The following TM9SF2 variants were observed in gnomAD, a reference collection of about 807,000 sequenced individuals.
The protein encoded by TM9SF2 is transmembrane 9 superfamily member 2.
In TM9SF2, 13 loss-of-function variants were observed where a neutral mutation model predicts 84.9. That is an observed-to-expected ratio of 0.15 (90% CI 0.10 to 0.24). The LOEUF (loss-of-function observed/expected upper bound fraction) is 0.24. Among genes scored for constraint, TM9SF2 ranks in the 10% least tolerant of loss-of-function variants. TM9SF2 has a pLI of 1.00. For missense variants in TM9SF2, 562 were observed against 818.5 expected (o/e 0.69, Z 3.82); for synonymous variants, 273 against 285.8 (o/e 0.96, Z 0.45).
At chr13:99,540,353 A>G (rs1185457187) in intron 7 of TM9SF2, among the ~76,000 whole-genome samples, 1 of 151,530 alleles carries the variant, frequency 6.6e-6, no homozygotes, top group Non-Finnish European at 1.5e-5. Context: ...TGCCCCCGGC[A>G]TAAAGAAAAG....
chr13:99,552,777 T>C (rs1265601137), intron 13 of TM9SF2, among the ~76,000 whole-genome samples: 1 of 152,200 alleles, frequency 6.6e-6, no homozygotes. Flanking sequence ...CTAATTTTTG[T>C]ATTTTTAGTG....
chr13:99,531,040 T>C (rs1044044432), intron 4 of TM9SF2, among the ~76,000 whole-genome samples: 6 of 152,048 alleles, frequency 3.9e-5, no homozygotes, highest in Non-Finnish European at 5.9e-5. Flanking sequence ...TTTATAGTTT[T>C]AGTAGACACG....
At chr13:99,549,091 C>G (rs1566572395) in intron 11 of TM9SF2, 74 bp from the exon 12 acceptor site, 3 of 1,331,272 alleles carry the variant, frequency 2.3e-6, no homozygotes, top group Non-Finnish European at 3.2e-6. Context: ...TGGCAAATAT[C>G]AGACTTGTAA....
At position 99,563,410 on chromosome 13, in the gene TM9SF2, A is replaced by T. The variant is rs1388663499; in HGVS notation, c.*652A>T. The T allele has an allele frequency of 6.6e-6, 1 of 152,194 alleles. No individual in the cohort carries two copies. The highest frequency in any genetic ancestry group is 1.5e-5 in the Non-Finnish European group (1 of 68,022). The allele number at this position is 152,194 out of a possible 1,614,324, so 9.4% of individuals were successfully genotyped here. A position where few individuals can be genotyped will look rare whatever the true frequency, so the allele number is the denominator to read the frequency against. ...AAATGTCTTCATTGCATCATTACCT[A>T]TTATATATTCAAGGAGGTTCTGTAA... On this transcript the variant is annotated 3_prime_UTR_variant, in exon 17 of 17. Transcript: ENST00000376387.
intron 4 of TM9SF2, among the ~76,000 whole-genome samples, chr13:99,532,866 T>C (rs897009199): frequency 2.6e-5 from 4 of 152,216 alleles, no homozygotes; most frequent in African/African-American, 7.2e-5. Flanking sequence ...CTATTCTGCT[T>C]TAAAAAAATT....
chr13:99,532,499 G>A (rs558721032), intron 4 of TM9SF2, among the ~76,000 whole-genome samples: 47 of 152,130 alleles, frequency 3.1e-4, no homozygotes, highest in African/African-American at 1.1e-3. Context: ...AGACCAGCCT[G>A]GCCAACATGG....
intron 4 of TM9SF2, among the ~76,000 whole-genome samples, chr13:99,531,618 T>C (rs890378767): frequency 2.0e-5 from 3 of 152,124 alleles, no homozygotes; most frequent in Admixed American, 6.5e-5. Context: ...CTGAACCCCA[T>C]AAGAATGGGT....
chr13:99,557,041 G>T (rs939450485), intron 15 of TM9SF2, among the ~76,000 whole-genome samples: 1 of 152,152 alleles, frequency 6.6e-6, no homozygotes, highest in Non-Finnish European at 1.5e-5. Flanking sequence ...TGGTTTTGAG[G>T]TATATATCTA....
chr13:99,554,709 G>A (rs1349903283), intron 14 of TM9SF2, among the ~76,000 whole-genome samples: 8 of 152,252 alleles, frequency 5.3e-5, no homozygotes, highest in African/African-American at 1.7e-4. Flanking sequence ...TTCATTCTCT[G>A]TGAGGTGAGT....
intron 1 of TM9SF2, among the ~76,000 whole-genome samples, chr13:99,504,585 G>A (rs1284573697): frequency 6.6e-6 from 1 of 152,198 alleles, no homozygotes; most frequent in African/African-American, 2.4e-5. Context: ...TGTAAATTGA[G>A]AGAGAATCAG....
chr13:99,527,936 T>C (rs1594051545), intron 3 of TM9SF2, among the ~76,000 whole-genome samples: 1 of 152,134 alleles, frequency 6.6e-6, no homozygotes, highest in Non-Finnish European at 1.5e-5. Context: ...CAAGATGGAG[T>C]TGACTCGTAC....
rs1401465412 is a variant in TM9SF2, at chr13:99,547,119, C to T, written c.1270+15C>T. 1 of 1,613,626 alleles carries T rather than the reference C, an allele frequency of 6.2e-7. No homozygotes were observed. The highest frequency in any genetic ancestry group is 1.1e-5 in the South Asian group (1 of 91,064). ...ATTCTATAAGTGTAAGTCAAAGCCACTGTGACTGGCGTCTGATCAGGAAGG... is the reference window on the plus strand; with the variant it reads ...ATTCTATAAGTGTAAGTCAAAGCCATTGTGACTGGCGTCTGATCAGGAAGG... On this transcript the variant is annotated intron_variant, in intron 11 of 16. Coordinates refer to ENST00000376387, the MANE Select transcript of TM9SF2 (RefSeq NM_004800.3).
chr13:99,525,658 C>T (rs1261921527), intron 3 of TM9SF2, among the ~76,000 whole-genome samples: 1 of 151,578 alleles, frequency 6.6e-6, no homozygotes, highest in African/African-American at 2.4e-5. Context: ...CGAGTTCACA[C>T]CATTCTCCTG....
intron 16 of TM9SF2, among the ~76,000 whole-genome samples, chr13:99,562,193 T>A (rs2046347457): frequency 6.6e-6 from 1 of 152,206 alleles, no homozygotes; most frequent in African/African-American, 2.4e-5. Flanking sequence ...TTTGTTACTA[T>A]CTAATCATGT....
intron 4 of TM9SF2, among the ~76,000 whole-genome samples, chr13:99,530,876 T>C (rs1241206842): frequency 6.6e-6 from 1 of 152,028 alleles, no homozygotes; most frequent in Non-Finnish European, 1.5e-5. Context: ...TTTTTTTTTT[T>C]CTGAGATGGA....
chr13:99,537,180 A>G (rs1175799602), intron 5 of TM9SF2, among the ~76,000 whole-genome samples: 4 of 152,174 alleles, frequency 2.6e-5, no homozygotes, highest in African/African-American at 7.2e-5. Context: ...AGACATTACT[A>G]TAGAAGGTAA....
rs573149445 is a variant in TM9SF2 at position 99,556,777 on chromosome 13, G to A, written c.1752+1130G>A. On this transcript the variant is annotated intron_variant, in intron 15 of 16. Transcript: ENST00000376387. ...TGCTTCTTGTATTTTTGGTAGAGACGGGGTTTCACCATGTTAGCCAGGATG... is the reference window on the plus strand; with the variant it reads ...TGCTTCTTGTATTTTTGGTAGAGACAGGGTTTCACCATGTTAGCCAGGATG... Among the ~76,000 whole-genome samples the A allele has an allele frequency of 1.4e-4, 21 of 152,034 alleles. 1 individual carries two copies. The East Asian group carries it at 2.3e-3, about 17-fold the overall frequency.
chr13:99,503,578 G>A (rs987051096), intron 1 of TM9SF2, among the ~76,000 whole-genome samples: 11 of 152,008 alleles, frequency 7.2e-5, no homozygotes, highest in African/African-American at 1.4e-4. Flanking sequence ...GCGTGGTGGC[G>A]GGCATCTGTA....
intron 3 of TM9SF2, among the ~76,000 whole-genome samples, chr13:99,527,681 T>C (rs192435939): frequency 1.6e-4 from 24 of 152,342 alleles, no homozygotes; most frequent in Admixed American, 1.1e-3. Flanking sequence ...TGCAGCCTTA[T>C]ATGATTTCCC....
Sources: gnomAD v4.1 joint callset for allele counts (sites outside exome capture counted in the v4.1 genomes callset) on GRCh38, gnomAD v4.1.1 for gene constraint, MANE v1.5 for transcripts, NCBI Gene and HGNC (gene_info 2026-07-23, HGNC 2026-07-21) for gene names.